The following GET1 variants were observed in gnomAD, a reference collection of about 807,000 sequenced individuals.
GET1 encodes the protein congenital heart disease 5 protein.
A neutral mutation model predicts 22.6 loss-of-function variants in GET1; 20 were observed. The observed-to-expected ratio is 0.89, with a 90% CI of 0.62 to 1.29. The LOEUF is 1.29. Among genes scored for constraint, GET1 ranks in the 50% most tolerant of loss-of-function variants. The pLI is 0.00. For synonymous variants in GET1, 92 were observed against 83.8 expected (o/e 1.10, Z -0.53); for missense variants, 209 against 219.9 (o/e 0.95, Z 0.31).
At chr21:39,392,893 C>G (rs1167156440) in intron 3 of GET1, 2 of 361,330 alleles carry the variant, frequency 5.5e-6, no homozygotes, top group Non-Finnish European at 1.0e-5. Context: ...CAGTGAAATG[C>G]CAGTTCACAT....
At chr21:39,388,817 G>A (rs1017286896) in intron 1 of GET1, among the ~76,000 whole-genome samples, 3 of 152,164 alleles carry the variant, frequency 2.0e-5, no homozygotes, top group Non-Finnish European at 4.4e-5. Context: ...GCCGTGGCCG[G>A]GCCGTTCCCT....
intron 1 of GET1, among the ~76,000 whole-genome samples, chr21:39,418,206 C>T (rs986929586): frequency 6.6e-6 from 1 of 152,158 alleles, no homozygotes; most frequent in Non-Finnish European, 1.5e-5. Flanking sequence ...GTGGGAGCTA[C>T]AATTCAAGAT....
intron 1 of GET1, chr21:39,387,676 C>G (rs953373000): frequency 4.7e-5 from 15 of 315,974 alleles, no homozygotes; most frequent in Non-Finnish European, 6.4e-5. Flanking sequence ...CCTCCACCCC[C>G]CCTACTCCCC....
intron 4 of GET1, chr21:39,405,726 G>C (rs187408707): frequency 2.0e-5 from 10 of 494,506 alleles, no homozygotes; most frequent in Admixed American, 3.7e-5. Flanking sequence ...TTTTTTACTA[G>C]ATTAGCAATC....
chr21:39,411,175 A>G, downstream of GET1: 1 of 273,518 alleles, frequency 3.7e-6, no homozygotes, highest in South Asian at 3.7e-5. Flanking sequence ...AACCTAGGCT[A>G]TTGTGACCAA....
downstream of GET1, chr21:39,406,701 G>A (rs149433842): frequency 3.7e-5 from 35 of 950,586 alleles, no homozygotes; most frequent in Admixed American, 1.5e-4. Flanking sequence ...TACGTGCACC[G>A]CCTCACAAGC....
chr21:39,411,585 C>T (rs2040094613), downstream of GET1: 2 of 487,232 alleles, frequency 4.1e-6, no homozygotes, highest in South Asian at 4.3e-5. Context: ...CGTTATTCTT[C>T]TAGAATCACA....
At chr21:39,402,140 G>A (rs2038855411), downstream of GET1, among the ~76,000 whole-genome samples, 1 of 152,094 alleles carries the variant, frequency 6.6e-6, no homozygotes, top group Non-Finnish European at 1.5e-5. Context: ...GTCTTGCTCT[G>A]TCACCCAGGC....
At chr21:39,388,100 C>T (rs533943127) in intron 1 of GET1, among the ~76,000 whole-genome samples, 1 of 152,278 alleles carries the variant, frequency 6.6e-6, no homozygotes, top group Non-Finnish European at 1.5e-5. Flanking sequence ...GGGGGCCGGG[C>T]ACAGTGGCTC....
At chr21:39,394,632 A>T (rs1322444503) in intron 4 of GET1, among the ~76,000 whole-genome samples, 5 of 152,126 alleles carry the variant, frequency 3.3e-5, no homozygotes, top group Non-Finnish European at 7.4e-5. Flanking sequence ...CCCATTTTCC[A>T]GTTCATGGAT....
intron 1 of GET1, among the ~76,000 whole-genome samples, chr21:39,417,590 G>A: frequency 6.6e-6 from 1 of 152,052 alleles, no homozygotes; most frequent in Non-Finnish European, 1.5e-5. Context: ...AGACATAACT[G>A]AGTCTAGGTA....
intron 1 of GET1, among the ~76,000 whole-genome samples, chr21:39,424,221 C>G (rs2074253904): frequency 6.6e-6 from 1 of 152,102 alleles, no homozygotes; most frequent in African/African-American, 2.4e-5. Flanking sequence ...CCATGTTGGC[C>G]AGGCTGGTCT....
chr21:39,406,158 A>G (rs759800799), exon 5 of GET1: 2 of 1,614,220 alleles, frequency 1.2e-6, no homozygotes, highest in Admixed American at 1.7e-5. Context: ...TGGAAGACTT[A>G]CCAAATGAGG....
Position 39,393,219 on chromosome 21 carries a change from C to T in GET1, c.390C>T (p.Val130=), listed in dbSNP as rs11548341. 15 of 1,614,074 alleles carry T rather than the reference C, an allele frequency of 9.3e-6. No individual in the cohort carries two copies. Among genetic ancestry groups the T allele is most frequent in the African/African-American group, 2.7e-5 (2 of 74,928 alleles). Reference sequence around the variant, plus strand: ...AGTATTATTCTGTCCCTGTGGCTGTCGTGCCGAGTAAATGGATAACCCCTC... The same window carrying T: ...AGTATTATTCTGTCCCTGTGGCTGTTGTGCCGAGTAAATGGATAACCCCTC... ...IWKYYSVPVA[V]VPSKWITPLD... The change falls in exon 4 of 5, where the codon GTC becomes GTT. Residue 130 remains valine (V), a synonymous_variant. Transcript: ENST00000649170.
chr21:39,417,979 G>C lies in GET1; in HGVS notation c.*23+7042G>C, dbSNP rs958908209. Reference sequence around the variant, plus strand: ...GATGGGGTTTCGCCGTGTTTGCCAGGATTGTCTCCATCTCCTGACCTCGTG... The same window carrying C: ...GATGGGGTTTCGCCGTGTTTGCCAGCATTGTCTCCATCTCCTGACCTCGTG... On this transcript the variant is annotated intron_variant, in intron 1 of 1. Transcript: ENST00000478273. 2.6e-5 allele frequency among the ~76,000 whole-genome samples: 4 copies of C among 152,240 alleles called. No homozygotes were observed. The East Asian group carries it at 7.7e-4, about 29-fold the overall frequency.
chr21:39,402,098 TTTAA>T (rs1198248149), downstream of GET1, among the ~76,000 whole-genome samples: 4 of 152,136 alleles, frequency 2.6e-5, no homozygotes, highest in African/African-American at 7.2e-5. Context: ...TTTTATTTTA[TTTAA>T]TTAATTAATT....
chr21:39,392,997 T>C (rs949748129), intron 3 of GET1, 169 bp from the exon 4 acceptor site: 10 of 573,008 alleles, frequency 1.7e-5, no homozygotes, highest in Non-Finnish European at 3.1e-5. Flanking sequence ...CAAGGGACAT[T>C]AGTGGCTGTG....
At chr21:39,392,873 C>G in intron 3 of GET1, 5 of 293,170 alleles carry the variant, frequency 1.7e-5, no homozygotes, top group Admixed American at 4.9e-5. Context: ...AGATTGTGTT[C>G]ATCCTAAAAC....
At position 39,397,005 on chromosome 21, in the gene GET1, T is replaced by C; in HGVS notation, c.*66T>C. 4 of 1,547,988 alleles carry C rather than the reference T, an allele frequency of 2.6e-6. No individual in the cohort carries two copies. In the South Asian group the frequency reaches 4.6e-5, roughly 18 times the overall value. On this transcript the variant is annotated 3_prime_UTR_variant, in exon 5 of 5. Coordinates refer to ENST00000649170, the MANE Select transcript of GET1 (RefSeq NM_004627.6). The stretch of plus-strand genomic sequence containing the variant: ...TCCTCTTCCTAGCTTAAAATCTGAT[T>C]TACACTGTTTTGTTTTTTAAGAAAC...
Sources: allele counts gnomAD v4.1 joint callset (sites outside exome capture counted in the v4.1 genomes callset), GRCh38; gene constraint gnomAD v4.1.1; transcripts MANE v1.5; gene names NCBI Gene and HGNC (gene_info 2026-07-23, HGNC 2026-07-21).